The following GTF2A1L variants were observed in gnomAD, a reference collection of about 807,000 sequenced individuals.
GTF2A1L encodes TFIIA-alpha and beta-like factor.
In GTF2A1L, 48 loss-of-function variants were observed where a neutral mutation model predicts 49.7. That is an observed-to-expected ratio of 0.97 (90% CI 0.77 to 1.23). The LOEUF (loss-of-function observed/expected upper bound fraction) is 1.23, where lower values mean the gene tolerates loss of function less well. Ranked by LOEUF, GTF2A1L falls within the 50% of genes most tolerant of loss-of-function variation. The pLI is 0.00. For missense variants in GTF2A1L, 736 were observed against 564.8 expected (o/e 1.30, Z -3.07); for synonymous variants, 246 against 193.5 (o/e 1.27, Z -2.25).
intron 6 of GTF2A1L, among the ~76,000 whole-genome samples, chr2:48,654,188 T>G (rs919039691): frequency 1.3e-5 from 2 of 152,180 alleles, no homozygotes; most frequent in African/African-American, 4.8e-5. Context: ...AAGTTTTTAA[T>G]TTTGATGAAG....
rs1215331630 is a variant in GTF2A1L at position 48,642,470 on chromosome 2, C to T, written c.303+13C>T. The T allele has an allele frequency of 1.9e-6, 3 of 1,567,154 alleles. No individual in the cohort carries two copies. The highest frequency in any genetic ancestry group is 2.3e-5 in the East Asian group (1 of 44,144). The stretch of plus-strand genomic sequence containing the variant: ...CACAGCAGAACTGGTATGTAGCTTA[C>T]TTAAAATATATTTTAAAAGACATGT... On this transcript the variant is annotated intron_variant, in intron 4 of 8. Transcript: ENST00000403751.
intron 6 of GTF2A1L, 60 bp from the exon 7 acceptor site, chr2:48,669,662 A>T: frequency 6.6e-7 from 1 of 1,517,052 alleles, no homozygotes; most frequent in South Asian, 1.4e-5. Flanking sequence ...TTAAATTTGG[A>T]TTCAATATTT....
intron 6 of GTF2A1L, among the ~76,000 whole-genome samples, chr2:48,655,359 C>T (rs148480948): frequency 1.3e-5 from 2 of 151,680 alleles, no homozygotes; most frequent in East Asian, 3.9e-4. Context: ...TTAGTTAATT[C>T]ATTAGTTTGT....
At position 48,621,266 on chromosome 2, in the gene GTF2A1L, C is replaced by A. The variant is rs1221081803; in HGVS notation, c.223C>A (p.His75Asn). 1 of 1,613,970 alleles carries A rather than the reference C, an allele frequency of 6.2e-7. No homozygotes were observed. Among genetic ancestry groups the A allele is most frequent in the Admixed American group, 1.7e-5 (1 of 59,992 alleles). Reference protein sequence around the residue: ...LFTLQLPHSLHQTLQSSTASL... With the variant: ...LFTLQLPHSLNQTLQSSTASL... ...TACTCTTCAGTTGCCGCACAGCTTG[C>A]ACCAAACATTGCAATCGTCAACAGG... Residue 75 changes from histidine (H) to asparagine (N), a missense_variant, in exon 3 of 9, where the codon CAC (histidine) becomes AAC (asparagine). Transcript: ENST00000403751.
At chr2:48,651,341 G>A (rs1677833066) in intron 6 of GTF2A1L, among the ~76,000 whole-genome samples, 1 of 151,890 alleles carries the variant, frequency 6.6e-6, no homozygotes, top group African/African-American at 2.4e-5. Context: ...ACATTCAACA[G>A]GCTAAAAATA....
At chr2:48,676,546 T>G (rs921332514) in intron 8 of GTF2A1L, among the ~76,000 whole-genome samples, 12 of 151,882 alleles carry the variant, frequency 7.9e-5, no homozygotes, top group African/African-American at 2.9e-4. Flanking sequence ...CTTTGTCTAT[T>G]TAAAAAATTG....
intron 1 of GTF2A1L, among the ~76,000 whole-genome samples, chr2:48,619,424 T>G (rs1675848425): frequency 6.6e-6 from 1 of 150,862 alleles, no homozygotes; most frequent in Non-Finnish European, 1.5e-5. Context: ...GGGCCCAGAT[T>G]GTGCTACCGT....
chr2:48,643,928 ACCT>A (rs1677349794), intron 4 of GTF2A1L, among the ~76,000 whole-genome samples: 6 of 152,056 alleles, frequency 3.9e-5, no homozygotes. Flanking sequence ...CAAACTCCTG[ACCT>A]CAAGTGATCC....
chr2:48,653,815 C>A (rs1182419148), intron 6 of GTF2A1L, among the ~76,000 whole-genome samples: 1 of 151,316 alleles, frequency 6.6e-6, no homozygotes, highest in African/African-American at 2.4e-5. Context: ...CACCTGTAAT[C>A]CCAGCTACTT....
At chr2:48,619,197 G>A (rs892324677) in intron 1 of GTF2A1L, among the ~76,000 whole-genome samples, 4 of 152,076 alleles carry the variant, frequency 2.6e-5, no homozygotes, top group Admixed American at 2.6e-4. Context: ...GGCTGGGCAC[G>A]GTGGCTTACA....
chr2:48,628,372 G>A (rs1034021262), intron 3 of GTF2A1L, among the ~76,000 whole-genome samples: 2 of 144,082 alleles, frequency 1.4e-5, no homozygotes, highest in African/African-American at 4.9e-5. Context: ...TTTCTCTGCA[G>A]CCTTGCCAGC....
In GTF2A1L at chr2:48,645,028, T is replaced by G; in HGVS notation, c.304-5T>G. ...AACTTTCTAATATAAATTTCTTATA[T>G]CTAGGGCACTTCAAACTCCAGTGCA... On this transcript the variant is annotated splice_polypyrimidine_tract_variant and splice_region_variant and intron_variant, in intron 4 of 8. Coordinates refer to ENST00000403751, the MANE Select transcript of GTF2A1L (RefSeq NM_006872.5). 1.2e-6 allele frequency: 2 copies of G among 1,606,502 alleles called. No homozygotes were observed. The highest frequency in any genetic ancestry group is 1.7e-6 in the Non-Finnish European group (2 of 1,177,934).
chr2:48,654,467 C>A (rs1437068564), intron 6 of GTF2A1L, among the ~76,000 whole-genome samples: 2 of 151,934 alleles, frequency 1.3e-5, no homozygotes, highest in Non-Finnish European at 2.9e-5. Flanking sequence ...GGTATGATCT[C>A]AGCTCACTGG....
At chr2:48,641,871 G>A (rs1416093455) in intron 3 of GTF2A1L, among the ~76,000 whole-genome samples, 1 of 152,134 alleles carries the variant, frequency 6.6e-6, no homozygotes, top group African/African-American at 2.4e-5. Flanking sequence ...AATTGTACCT[G>A]TTTTATTGCA....
intron 3 of GTF2A1L, among the ~76,000 whole-genome samples, chr2:48,628,754 A>G (rs889262557): frequency 1.4e-5 from 2 of 143,564 alleles, no homozygotes; most frequent in Admixed American, 7.1e-5. Flanking sequence ...TTTTGTTGCA[A>G]TTGCTTTTGA....
intron 3 of GTF2A1L, among the ~76,000 whole-genome samples, chr2:48,634,300 C>T (rs943592874): frequency 5.3e-5 from 8 of 152,132 alleles, no homozygotes; most frequent in East Asian, 3.9e-4. Context: ...TTAGTAGAGA[C>T]GGGATTTCAC....
At chr2:48,631,796 A>G (rs991340414) in intron 3 of GTF2A1L, among the ~76,000 whole-genome samples, 1 of 152,128 alleles carries the variant, frequency 6.6e-6, no homozygotes, top group Non-Finnish European at 1.5e-5. Flanking sequence ...GGCATTTAGT[A>G]CTATACAGTT....
At chr2:48,646,372 GAT>G in intron 5 of GTF2A1L, 79 bp from the exon 6 acceptor site, 1 of 1,082,562 alleles carries the variant, frequency 9.2e-7, no homozygotes. Flanking sequence ...TTGTGGATGA[GAT>G]TTTTTTTTTT....
intron 6 of GTF2A1L, among the ~76,000 whole-genome samples, chr2:48,653,644 G>C (rs1228855424): frequency 6.6e-6 from 1 of 152,080 alleles, no homozygotes; most frequent in Non-Finnish European, 1.5e-5. Flanking sequence ...TGGTATTTGT[G>C]AATAAAGCCC....
Sources: gnomAD v4.1 joint callset for allele counts (sites outside exome capture counted in the v4.1 genomes callset) on GRCh38, gnomAD v4.1.1 for gene constraint, MANE v1.5 for transcripts, NCBI Gene and HGNC (gene_info 2026-07-23, HGNC 2026-07-21) for gene names.